MTUS2: variants seen among roughly 807,000 people sequenced by gnomAD.
MTUS2 encodes the protein microtubule associated scaffold protein 2.
Under a neutral mutation model 114.1 loss-of-function variants are expected in MTUS2, and 40 were observed. The observed-to-expected ratio is 0.35, with a 90% CI of 0.27 to 0.46. MTUS2 has a LOEUF of 0.46. Ranked by LOEUF, MTUS2 falls within the 20% of genes least tolerant of loss-of-function variation. MTUS2 has a pLI of 1.00. For synonymous variants in MTUS2, 688 were observed against 672.0 expected (o/e 1.02, Z -0.37); for missense variants, 1,679 against 1,705.4 (o/e 0.98, Z 0.27).
chr13:28,906,219 T>A (rs1453968513), intron 2 of MTUS2, among the ~76,000 whole-genome samples: 3 of 151,508 alleles, frequency 2.0e-5, no homozygotes, highest in Admixed American at 6.6e-5. Context: ...CTGGATTCAT[T>A]AATTTTTTGA....
At chr13:29,355,155 G>A (rs903062980) in intron 7 of MTUS2, among the ~76,000 whole-genome samples, 15 of 152,168 alleles carry the variant, frequency 9.9e-5, no homozygotes, top group African/African-American at 3.4e-4. Flanking sequence ...GATGGCTGCC[G>A]ATGAATTTTT....
rs762797411 is a variant in MTUS2, at chr13:29,026,027, T to G, written c.1329T>G (p.Asn443Lys). 3 of 1,613,952 alleles carry G rather than the reference T, an allele frequency of 1.9e-6. No homozygotes were observed. The Middle Eastern group carries it at 4.9e-4, about 266-fold the overall frequency. ...GDSHVAFIPN[N>K]LTDSKPLDVI... ...GTCATGTGGCTTTTATTCCTAATAATCTGACTGACAGCAAGCCCTTGGATG... is the reference window on the plus strand; with the variant it reads ...GTCATGTGGCTTTTATTCCTAATAAGCTGACTGACAGCAAGCCCTTGGATG... The change falls in exon 3 of 16, where the codon AAT becomes AAG. Residue 443 changes from asparagine (N) to lysine (K), a missense_variant. Asn to Lys is a moderately conservative substitution (Grantham distance 94). Around this residue, in one of 3 missense-constraint regions of MTUS2, gnomAD observed 843 missense variants for 770.8 expected, o/e 1.09. Transcript: ENST00000612955.
chr13:29,113,200 A>G (rs1015930644), intron 5 of MTUS2, among the ~76,000 whole-genome samples: 8 of 152,176 alleles, frequency 5.3e-5, no homozygotes, highest in Non-Finnish European at 1.2e-4. Flanking sequence ...ATACAACTCT[A>G]TGGAAGCAGA....
chr13:28,903,252 CTTATT>C (rs552615715), intron 2 of MTUS2, among the ~76,000 whole-genome samples: 16 of 151,746 alleles, frequency 1.1e-4, no homozygotes, highest in African/African-American at 3.6e-4. Flanking sequence ...TCTTTTCTTT[CTTATT>C]TTATTTTATT....
intron 2 of MTUS2, among the ~76,000 whole-genome samples, chr13:28,961,428 A>G (rs1009466291): frequency 7.2e-5 from 11 of 152,134 alleles, no homozygotes; most frequent in Admixed American, 2.6e-4. Flanking sequence ...TTAGAATGAC[A>G]TTGGATTTCT....
At chr13:29,184,439 G>A (rs1452419395) in intron 5 of MTUS2, among the ~76,000 whole-genome samples, 1 of 152,036 alleles carries the variant, frequency 6.6e-6, no homozygotes, top group Non-Finnish European at 1.5e-5. Flanking sequence ...CATTCTCAGG[G>A]CTATATTCAT....
At chr13:29,431,238 T>C (rs868586777) in intron 8 of MTUS2, among the ~76,000 whole-genome samples, 30 of 152,274 alleles carry the variant, frequency 2.0e-4, no homozygotes, top group African/African-American at 7.0e-4. Context: ...TTGCCTAGAG[T>C]ATATAATGAA....
Position 29,252,460 on chromosome 13 carries a change from C to T in MTUS2, c.2645-29244C>T, listed in dbSNP as rs185659099. Among the ~76,000 whole-genome samples, 239 of 152,204 alleles carry T rather than the reference C, an allele frequency of 1.6e-3. 1 individual carries two copies. Among genetic ancestry groups the T allele is most frequent in the African/African-American group, 5.6e-3 (232 of 41,510 alleles). ...TGCGTCCTGGCCACAGTGAGTGAGGCGTTGCTGCAGGGATTGCATGTTTAG... is the reference window on the plus strand; with the variant it reads ...TGCGTCCTGGCCACAGTGAGTGAGGTGTTGCTGCAGGGATTGCATGTTTAG... On this transcript the variant is annotated intron_variant, in intron 5 of 15. Transcript: ENST00000612955.
intron 5 of MTUS2, among the ~76,000 whole-genome samples, chr13:29,280,795 G>C (rs1451863944): frequency 6.6e-6 from 1 of 152,138 alleles, no homozygotes; most frequent in Admixed American, 6.5e-5. Context: ...CCTCACAGCT[G>C]TACTCAGAAG....
At chr13:29,236,269 C>A (rs1352110266) in intron 5 of MTUS2, among the ~76,000 whole-genome samples, 1 of 152,152 alleles carries the variant, frequency 6.6e-6, no homozygotes, top group Non-Finnish European at 1.5e-5. Flanking sequence ...TGTCTCTTAG[C>A]ACAGTAGGTA....
chr13:28,855,698 A>T (rs1324584415), intron 2 of MTUS2, among the ~76,000 whole-genome samples: 1 of 152,200 alleles, frequency 6.6e-6, no homozygotes, highest in Non-Finnish European at 1.5e-5. Flanking sequence ...GGTTGATTCC[A>T]TGTCTTTGCT....
chr13:28,878,161 T>C (rs1878058856), intron 2 of MTUS2, among the ~76,000 whole-genome samples: 1 of 152,014 alleles, frequency 6.6e-6, no homozygotes, highest in Non-Finnish European at 1.5e-5. Context: ...TTTCGTCTAA[T>C]GGCCCCAAAT....
At chr13:29,377,375 T>C (rs535526784) in intron 8 of MTUS2, among the ~76,000 whole-genome samples, 2 of 152,216 alleles carry the variant, frequency 1.3e-5, no homozygotes, top group East Asian at 3.9e-4. Flanking sequence ...TTTAAAACAA[T>C]GAAATTGTAC....
At chr13:29,325,731 C>A (rs1487836427) in intron 7 of MTUS2, among the ~76,000 whole-genome samples, 1 of 152,200 alleles carries the variant, frequency 6.6e-6, no homozygotes, top group East Asian at 1.9e-4. Context: ...ATGCCAGGTA[C>A]TGCCCTGTGC....
chr13:29,446,357 G>A (rs17073395), intron 9 of MTUS2, among the ~76,000 whole-genome samples: 17,863 of 152,124 alleles, frequency 0.12, 1,746 homozygotes, highest in African/African-American at 0.28. Context: ...TTCATTTTAG[G>A]GATCAGTCTA....
chr13:29,472,214 G>A (rs1167282009), intron 9 of MTUS2, among the ~76,000 whole-genome samples: 7 of 152,000 alleles, frequency 4.6e-5, no homozygotes, highest in Non-Finnish European at 8.8e-5. Flanking sequence ...TAGTAGAGAT[G>A]GGGTTTCACC....
intron 7 of MTUS2, among the ~76,000 whole-genome samples, chr13:29,352,146 T>C (rs1869344863): frequency 6.6e-6 from 1 of 152,220 alleles, no homozygotes. Context: ...GAAAATAGAC[T>C]GAACTGAGTT....
intron 5 of MTUS2, among the ~76,000 whole-genome samples, chr13:29,178,531 T>C (rs942273217): frequency 1.3e-5 from 2 of 152,210 alleles, no homozygotes; most frequent in Admixed American, 1.3e-4. Flanking sequence ...CTGTGAACTG[T>C]AGGATGATTA....
chr13:29,386,447 T>A (rs916880448), intron 8 of MTUS2, among the ~76,000 whole-genome samples: 2 of 152,144 alleles, frequency 1.3e-5, no homozygotes, highest in African/African-American at 4.8e-5. Context: ...AGGTGAGGGA[T>A]GAGGACTTTG....
Sources: gnomAD v4.1 joint callset for allele counts (sites outside exome capture counted in the v4.1 genomes callset) on GRCh38, gnomAD v4.1.1 for gene constraint, gnomAD v4.1.1 regional missense constraint, MANE v1.5 for transcripts, NCBI Gene and HGNC (gene_info 2026-07-23, HGNC 2026-07-21) for gene names.